The following CSMD1 variants were observed in gnomAD, a reference collection of about 807,000 sequenced individuals.
CSMD1 encodes CUB and sushi domain-containing protein 1.
CSMD1 carries 213 observed loss-of-function variants against 417.5 expected under a neutral mutation model. The observed-to-expected ratio is 0.51, with a 90% confidence interval of 0.46 to 0.57. The LOEUF (loss-of-function observed/expected upper bound fraction) is 0.57, where lower values mean the gene tolerates loss of function less well. Ranked by LOEUF, CSMD1 falls within the 20% of genes least tolerant of loss-of-function variation. The probability of loss-of-function intolerance (pLI) is 0.00; values close to 1 mark genes in which losing one functional copy is unlikely to be tolerated. For synonymous variants in CSMD1, 2,862 were observed against 1,736.8 expected, an observed-to-expected ratio of 1.65 and a Z score of -16.11; for missense variants, 6,923 against 4,529.7, an observed-to-expected ratio of 1.53 and a Z score of -15.17.
At chr8:4,121,551 T>A (rs1374887296) in intron 3 of CSMD1, among the ~76,000 whole-genome samples, 4 of 151,624 alleles carry the variant, frequency 2.6e-5, no homozygotes, top group African/African-American at 9.7e-5. Flanking sequence ...GAAGCAATTG[T>A]CTAAAATGTA....
At chr8:4,115,892 G>A (rs1454144572) in intron 3 of CSMD1, among the ~76,000 whole-genome samples, 1 of 152,052 alleles carries the variant, frequency 6.6e-6, no homozygotes, top group African/African-American at 2.4e-5. Context: ...CAGGAAGACA[G>A]AAGAAAGATC....
intron 8 of CSMD1, among the ~76,000 whole-genome samples, chr8:3,613,085 G>C (rs183301131): frequency 9.2e-5 from 14 of 152,054 alleles, no homozygotes; most frequent in Middle Eastern, 3.4e-3. Context: ...AAGAATTTGA[G>C]CTGTGAAATT....
At chr8:3,688,047 C>G (rs183130093) in intron 7 of CSMD1, among the ~76,000 whole-genome samples, 124 of 152,354 alleles carry the variant, frequency 8.1e-4, no homozygotes, top group African/African-American at 2.8e-3. Context: ...TTGCTTTGCT[C>G]ACTGCATCTG....
At chr8:4,777,599 T>C (rs960037766) in intron 1 of CSMD1, among the ~76,000 whole-genome samples, 1 of 152,216 alleles carries the variant, frequency 6.6e-6, no homozygotes, top group African/African-American at 2.4e-5. Context: ...AGTAAGAATG[T>C]ACATACCCTT....
chr8:4,314,705 T>C (rs1459604766), intron 3 of CSMD1, among the ~76,000 whole-genome samples: 4 of 152,224 alleles, frequency 2.6e-5, no homozygotes, highest in Non-Finnish European at 4.4e-5. Flanking sequence ...TTTTTATGTG[T>C]TCTTACGTAC....
intron 23 of CSMD1, among the ~76,000 whole-genome samples, chr8:3,334,541 C>T (rs1186005360): frequency 1.3e-5 from 2 of 152,142 alleles, no homozygotes; most frequent in Non-Finnish European, 2.9e-5. Context: ...GTTAATAAAA[C>T]CAGCATGACA....
chr8:4,436,493 G>T (rs914054786), intron 2 of CSMD1, among the ~76,000 whole-genome samples: 4 of 152,006 alleles, frequency 2.6e-5, no homozygotes, highest in African/African-American at 4.8e-5. Context: ...TCAGGTTGAG[G>T]GGTATCTCTC....
intron 1 of CSMD1, among the ~76,000 whole-genome samples, chr8:4,993,019 G>T (rs1398489558): frequency 6.6e-6 from 1 of 152,194 alleles, no homozygotes; most frequent in Non-Finnish European, 1.5e-5. Context: ...CAGGCGGCAC[G>T]TCTCTCCCCC....
intron 1 of CSMD1, among the ~76,000 whole-genome samples, chr8:4,953,234 T>A (rs1050897955): frequency 6.6e-6 from 1 of 152,144 alleles, no homozygotes; most frequent in Admixed American, 6.5e-5. Context: ...TTGCTGAAAA[T>A]TTTCCAGCCT....
intron 5 of CSMD1, among the ~76,000 whole-genome samples, chr8:3,780,223 G>A (rs1249720019): frequency 1.3e-5 from 2 of 152,150 alleles, no homozygotes; most frequent in East Asian, 1.9e-4. Flanking sequence ...AAGTACACTG[G>A]CATTAATCAA....
At chr8:4,531,225 C>G (rs909930529) in intron 2 of CSMD1, among the ~76,000 whole-genome samples, 1 of 152,098 alleles carries the variant, frequency 6.6e-6, no homozygotes, top group African/African-American at 2.4e-5. Flanking sequence ...CCATTTTTAG[C>G]CACACTGATA....
At chr8:3,928,617 G>A (rs573854537) in intron 5 of CSMD1, among the ~76,000 whole-genome samples, 1 of 150,684 alleles carries the variant, frequency 6.6e-6, no homozygotes, top group South Asian at 2.1e-4. Flanking sequence ...TCATAAGAAG[G>A]AGAAGGAAGT....
chr8:3,784,214 A>G (rs1052822301), intron 5 of CSMD1, among the ~76,000 whole-genome samples: 6 of 152,328 alleles, frequency 3.9e-5, no homozygotes, highest in Admixed American at 2.0e-4. Context: ...CCCAATAAAT[A>G]ACAAATTATT....
chr8:3,661,825 T>A (rs1461158386), intron 7 of CSMD1, among the ~76,000 whole-genome samples: 1 of 151,980 alleles, frequency 6.6e-6, no homozygotes, highest in African/African-American at 2.4e-5. Context: ...TCAGATGAAG[T>A]TTTTATCACA....
At chr8:4,912,512 C>G (rs1358510727) in intron 1 of CSMD1, among the ~76,000 whole-genome samples, 1 of 152,116 alleles carries the variant, frequency 6.6e-6, no homozygotes, top group South Asian at 2.1e-4. Flanking sequence ...AGGCTTCATG[C>G]CAGATGCCCC....
chr8:2,990,515 A>G (rs1237549453), intron 54 of CSMD1, among the ~76,000 whole-genome samples: 1 of 152,162 alleles, frequency 6.6e-6, no homozygotes, highest in Admixed American at 6.5e-5. Context: ...ACCCATTATT[A>G]TATAATAATC....
At chr8:3,910,796 A>C (rs1476032620) in intron 5 of CSMD1, among the ~76,000 whole-genome samples, 1 of 152,190 alleles carries the variant, frequency 6.6e-6, no homozygotes, top group Non-Finnish European at 1.5e-5. Context: ...TATTACAAAT[A>C]TAACTTGTTA....
chr8:3,818,531 T>G (rs772447418), intron 5 of CSMD1, among the ~76,000 whole-genome samples: 2 of 152,068 alleles, frequency 1.3e-5, no homozygotes, highest in Non-Finnish European at 2.9e-5. Flanking sequence ...CAGGGTAGGC[T>G]TACCCCAAGA....
chr8:4,351,627 G>C (rs528297716), intron 3 of CSMD1, among the ~76,000 whole-genome samples: 1 of 152,178 alleles, frequency 6.6e-6, no homozygotes, highest in Non-Finnish European at 1.5e-5. Flanking sequence ...GAGTGAGAAA[G>C]GAGATGAGGG....
Sources: gnomAD v4.1 joint callset for allele counts (sites outside exome capture counted in the v4.1 genomes callset) on GRCh38, gnomAD v4.1.1 for gene constraint, MANE v1.5 for transcripts, NCBI Gene and HGNC (gene_info 2026-07-23, HGNC 2026-07-21) for gene names.